ADGRL2: variants seen among roughly 807,000 people sequenced by gnomAD.
ADGRL2 encodes the protein calcium-independent alpha-latrotoxin receptor 2.
Under a neutral mutation model 157.4 loss-of-function variants are expected in ADGRL2, and 44 were observed. The observed-to-expected ratio is 0.28, with a 90% CI of 0.22 to 0.36. The LOEUF (loss-of-function observed/expected upper bound fraction) is 0.36. Ranked by LOEUF, ADGRL2 falls within the 10% of genes least tolerant of loss-of-function variation. The probability of loss-of-function intolerance (pLI) is 1.00; values close to 1 mark genes in which losing one functional copy is unlikely to be tolerated. For synonymous variants in ADGRL2, 585 were observed against 624.7 expected (o/e 0.94, Z 0.95); for missense variants, 1,510 against 1,768.9 (o/e 0.85, Z 2.63).
intron 2 of ADGRL2, among the ~76,000 whole-genome samples, chr1:81,491,644 A>G (rs11163315): frequency 0.15 from 22,235 of 152,150 alleles, 3,014 homozygotes; most frequent in African/African-American, 0.36. Flanking sequence ...ACACTGAGTA[A>G]AAAGAAAGAA....
intron 1 of ADGRL2, among the ~76,000 whole-genome samples, chr1:81,410,101 G>A (rs534998198): frequency 2.0e-5 from 3 of 152,288 alleles, no homozygotes; most frequent in East Asian, 3.9e-4. Context: ...ATGAAAGTCA[G>A]CCCAAACCCT....
intron 3 of ADGRL2, among the ~76,000 whole-genome samples, chr1:81,925,029 T>C (rs543963054): frequency 6.6e-6 from 1 of 152,236 alleles, no homozygotes; most frequent in Admixed American, 6.5e-5. Flanking sequence ...GGAGTTGGGA[T>C]ATAATTTGAC....
At chr1:81,396,328 G>A (rs1218017189) in intron 1 of ADGRL2, among the ~76,000 whole-genome samples, 2 of 152,066 alleles carry the variant, frequency 1.3e-5, no homozygotes, top group African/African-American at 4.8e-5. Flanking sequence ...AAATGCTATT[G>A]ATTTTTGCAT....
At chr1:81,691,635 A>G (rs1393595375) in intron 3 of ADGRL2, among the ~76,000 whole-genome samples, 2 of 151,608 alleles carry the variant, frequency 1.3e-5, no homozygotes, top group Non-Finnish European at 2.9e-5. Flanking sequence ...AGTAGCTGGG[A>G]TTACAGGCGT....
chr1:81,574,284 A>C (rs2080754306), intron 2 of ADGRL2, among the ~76,000 whole-genome samples: 1 of 152,076 alleles, frequency 6.6e-6, no homozygotes, highest in African/African-American at 2.4e-5. Context: ...AGGAGGAAAA[A>C]TCAGAGATTG....
chr1:81,771,849 G>A (rs1209122948), intron 2 of ADGRL2, among the ~76,000 whole-genome samples: 1 of 152,192 alleles, frequency 6.6e-6, no homozygotes, highest in Non-Finnish European at 1.5e-5. Flanking sequence ...ATTAAATGCA[G>A]AATCAGACTC....
At position 81,575,832 on chromosome 1, in the gene ADGRL2, T is replaced by C. The variant is rs566402117; in HGVS notation, c.-247-5044T>C. 7.9e-5 allele frequency among the ~76,000 whole-genome samples: 12 copies of C among 152,296 alleles called. No homozygotes were observed. In the South Asian group the frequency reaches 2.5e-3, roughly 32 times the overall value. ...CAAATAAATACGCATAGTATCTGGA[T>C]GCTTCTCTAAATTGAATTTCTTTTA... On this transcript the variant is annotated intron_variant, in intron 2 of 24. Coordinates refer to the ADGRL2 transcript ENST00000370721.
chr1:81,582,099 A>T (rs1225161117), intron 3 of ADGRL2, among the ~76,000 whole-genome samples: 1 of 152,082 alleles, frequency 6.6e-6, no homozygotes, highest in Non-Finnish European at 1.5e-5. Context: ...GCATACCTGT[A>T]ACCCCAGCTC....
chr1:81,754,035 T>C (rs913484532), intron 1 of ADGRL2, among the ~76,000 whole-genome samples: 2 of 152,012 alleles, frequency 1.3e-5, no homozygotes, highest in Non-Finnish European at 2.9e-5. Context: ...TCATAGAAAA[T>C]ATTTTATCCC....
At chr1:81,722,841 T>TG in intron 1 of ADGRL2, 2 of 704,792 alleles carry the variant, frequency 2.8e-6, no homozygotes, top group Non-Finnish European at 5.1e-6. Flanking sequence ...GTGGCTTTCC[T>TG]GGGGGAAATG....
At chr1:81,320,290 C>A (rs925593288) in intron 1 of ADGRL2, among the ~76,000 whole-genome samples, 2 of 152,142 alleles carry the variant, frequency 1.3e-5, no homozygotes, top group African/African-American at 4.8e-5. Flanking sequence ...GTCTTGAACC[C>A]CTCAAAGTCA....
At chr1:81,465,182 A>G (rs897751971) in intron 2 of ADGRL2, among the ~76,000 whole-genome samples, 3 of 152,160 alleles carry the variant, frequency 2.0e-5, no homozygotes, top group African/African-American at 7.2e-5. Context: ...TATAGTTACA[A>G]ATATTTTACA....
At chr1:81,527,729 G>A (rs1047501375) in intron 2 of ADGRL2, among the ~76,000 whole-genome samples, 13 of 150,782 alleles carry the variant, frequency 8.6e-5, no homozygotes, top group Non-Finnish European at 1.8e-4. Flanking sequence ...AAAAGTGATC[G>A]GAGGGAGCTG....
chr1:81,566,928 A>T (rs2080576472), intron 2 of ADGRL2, among the ~76,000 whole-genome samples: 1 of 152,140 alleles, frequency 6.6e-6, no homozygotes, highest in Admixed American at 6.6e-5. Flanking sequence ...AAAAATCATA[A>T]ATTTGAAACA....
chr1:81,451,883 A>T (rs890334177), intron 2 of ADGRL2, among the ~76,000 whole-genome samples: 1 of 152,222 alleles, frequency 6.6e-6, no homozygotes, highest in African/African-American at 2.4e-5. Context: ...ACACGGCATT[A>T]TAAAATAATA....
chr1:81,404,621 T>C (rs1390158861), intron 1 of ADGRL2, among the ~76,000 whole-genome samples: 2 of 152,196 alleles, frequency 1.3e-5, no homozygotes, highest in Non-Finnish European at 2.9e-5. Context: ...ATAAAATGCT[T>C]GATAGGTTGT....
At chr1:81,457,595 CT>C (rs921455395) in intron 2 of ADGRL2, among the ~76,000 whole-genome samples, 23 of 152,148 alleles carry the variant, frequency 1.5e-4, no homozygotes, top group East Asian at 7.7e-4. Context: ...AGCAAAAAAA[CT>C]TTTTTTCTTT....
chr1:81,413,850 TC>T (rs1432324041), intron 1 of ADGRL2, among the ~76,000 whole-genome samples: 1 of 152,188 alleles, frequency 6.6e-6, no homozygotes, highest in Non-Finnish European at 1.5e-5. Context: ...ATATTTACCC[TC>T]TGACACTGCA....
At chr1:81,824,979 C>CTG (rs2091331489) in intron 1 of ADGRL2, among the ~76,000 whole-genome samples, 1 of 151,686 alleles carries the variant, frequency 6.6e-6, no homozygotes, top group South Asian at 2.1e-4. Flanking sequence ...CTCTCTCTCT[C>CTG]TCTGTCTTTC....
Sources: gnomAD v4.1 joint callset for allele counts (sites outside exome capture counted in the v4.1 genomes callset) on GRCh38, gnomAD v4.1.1 for gene constraint, MANE v1.5 for transcripts, NCBI Gene and HGNC (gene_info 2026-07-23, HGNC 2026-07-21) for gene names.